Variants in AK5 observed in about 807,000 individuals in gnomAD.
AK5 encodes adenylate kinase isoenzyme 5.
A neutral mutation model predicts 69.5 loss-of-function variants in AK5; 27 were observed. The observed-to-expected ratio is 0.39, with a 90% CI of 0.29 to 0.54. The LOEUF (loss-of-function observed/expected upper bound fraction) is 0.54, where lower values mean the gene tolerates loss of function less well. AK5 is among the 20% of genes least tolerant of loss of function. The pLI, the probability that AK5 is intolerant of heterozygous loss-of-function variation, is 0.71. For synonymous variants in AK5, 260 were observed against 244.4 expected (o/e 1.06, Z -0.60); for missense variants, 531 against 700.4 (o/e 0.76, Z 2.73).
In AK5 at chr1:77,285,850, AT is replaced by A. The variant is rs112106678; in HGVS notation, c.61-1081del. 4.5e-4 allele frequency among the ~76,000 whole-genome samples: 67 copies of A among 149,374 alleles called. No individual in the cohort carries two copies. In the East Asian group the frequency reaches 7.4e-3, roughly 17 times the overall value. ...CTCAGTTAGACTTGAGCTTTGAGGG[AT>A]TTTTTTTTTCCAATTGGAAAACAGT... On this transcript the variant is annotated intron_variant, in intron 1 of 13. Transcript: ENST00000354567.
intron 6 of AK5, among the ~76,000 whole-genome samples, chr1:77,351,290 G>T (rs1662184619): frequency 6.6e-6 from 1 of 152,120 alleles, no homozygotes; most frequent in Non-Finnish European, 1.5e-5. Flanking sequence ...GGCTACTTGG[G>T]AAGCTGAGGT....
At chr1:77,534,904 T>C (rs1255890262) in intron 12 of AK5, among the ~76,000 whole-genome samples, 1 of 152,198 alleles carries the variant, frequency 6.6e-6, no homozygotes, top group Admixed American at 6.5e-5. Context: ...CTGGAAGTTA[T>C]GGGGCTCAGC....
At chr1:77,330,728 C>T (rs7531411) in intron 5 of AK5, among the ~76,000 whole-genome samples, 120,039 of 152,132 alleles carry the variant, frequency 0.79, 47,549 homozygotes, top group South Asian at 0.89. Flanking sequence ...AATCAGCTTT[C>T]CAATTTCTGT....
intron 2 of AK5, among the ~76,000 whole-genome samples, chr1:77,293,049 G>A (rs1224210946): frequency 6.6e-6 from 1 of 152,084 alleles, no homozygotes; most frequent in Non-Finnish European, 1.5e-5. Flanking sequence ...TGTTGCCATT[G>A]TAGATACAAA....
At chr1:77,393,388 G>A (rs1376156367) in intron 6 of AK5, among the ~76,000 whole-genome samples, 1 of 152,162 alleles carries the variant, frequency 6.6e-6, no homozygotes, top group African/African-American at 2.4e-5. Context: ...TTATGGAAAT[G>A]TGAAAGCTAG....
intron 8 of AK5, among the ~76,000 whole-genome samples, chr1:77,477,808 T>G (rs1655038141): frequency 6.6e-6 from 1 of 152,166 alleles, no homozygotes; most frequent in Non-Finnish European, 1.5e-5. Context: ...CATAACCCCA[T>G]TTGAAGTTAC....
At chr1:77,331,137 T>C (rs1010840136) in intron 5 of AK5, among the ~76,000 whole-genome samples, 2 of 152,078 alleles carry the variant, frequency 1.3e-5, no homozygotes, top group African/African-American at 4.8e-5. Context: ...TTTTTCATTT[T>C]TATATATACA....
intron 1 of AK5, chr1:77,283,067 G>C (rs1403053713): frequency 1.4e-5 from 14 of 985,502 alleles, no homozygotes; most frequent in African/African-American, 7.0e-5. Flanking sequence ...AGCTGCGAGG[G>C]GGGCGGACTC....
chr1:77,366,536 C>T (rs1355231991), intron 6 of AK5, among the ~76,000 whole-genome samples: 1 of 152,152 alleles, frequency 6.6e-6, no homozygotes, highest in African/African-American at 2.4e-5. Flanking sequence ...ATGCAAAGCC[C>T]ATGCCTGGTC....
At chr1:77,524,424 C>T (rs184542909) in intron 12 of AK5, among the ~76,000 whole-genome samples, 10 of 152,298 alleles carry the variant, frequency 6.6e-5, no homozygotes, top group East Asian at 5.8e-4. Context: ...ACCGACAATG[C>T]GTGAGAATTT....
At chr1:77,285,248 C>T (rs1190657870) in intron 1 of AK5, among the ~76,000 whole-genome samples, 1 of 152,146 alleles carries the variant, frequency 6.6e-6, no homozygotes, top group East Asian at 1.9e-4. Context: ...GAGGCTAATA[C>T]TGGCTTGGCG....
chr1:77,393,091 C>T (rs149338609), intron 6 of AK5, among the ~76,000 whole-genome samples: 10 of 152,092 alleles, frequency 6.6e-5, no homozygotes, highest in African/African-American at 1.4e-4. Flanking sequence ...CCCCACCACA[C>T]GCAGCTACTT....
At chr1:77,515,314 A>AT (rs1471958906) in intron 10 of AK5, among the ~76,000 whole-genome samples, 1 of 152,164 alleles carries the variant, frequency 6.6e-6, no homozygotes, top group Non-Finnish European at 1.5e-5. Context: ...GGGCCCTTCT[A>AT]TTAGAAAGGG....
At chr1:77,538,356 AC>A (rs908438283) in intron 13 of AK5, among the ~76,000 whole-genome samples, 4 of 149,864 alleles carry the variant, frequency 2.7e-5, no homozygotes, top group African/African-American at 9.9e-5. Flanking sequence ...AACAACAACA[AC>A]AACAAAAAAA....
intron 5 of AK5, among the ~76,000 whole-genome samples, chr1:77,311,656 T>C (rs1383226042): frequency 6.8e-6 from 1 of 147,878 alleles, no homozygotes; most frequent in Non-Finnish European, 1.5e-5. Flanking sequence ...AACTCTTCCC[T>C]TTCTTTTGTC....
At chr1:77,538,673 A>C (rs1659117007) in intron 13 of AK5, among the ~76,000 whole-genome samples, 1 of 152,184 alleles carries the variant, frequency 6.6e-6, no homozygotes, top group Non-Finnish European at 1.5e-5. Context: ...AAATTAAAAA[A>C]AAGAAAGGTA....
intron 6 of AK5, among the ~76,000 whole-genome samples, chr1:77,403,066 A>C (rs1202085769): frequency 6.6e-6 from 1 of 151,932 alleles, no homozygotes; most frequent in Non-Finnish European, 1.5e-5. Context: ...GCATTTTTTC[A>C]TGTGTTTTTT....
chr1:77,535,717 C>A (rs1233493400), intron 12 of AK5, 130 bp from the exon 13 acceptor site: 9 of 759,052 alleles, frequency 1.2e-5, no homozygotes, highest in Non-Finnish European at 1.8e-5. Flanking sequence ...CCCAGCTGCA[C>A]CATAGTGTAA....
chr1:77,354,326 C>G (rs114468914), intron 6 of AK5, among the ~76,000 whole-genome samples: 2,733 of 152,200 alleles, frequency 0.018, 83 homozygotes, highest in African/African-American at 0.061. Context: ...AGATTTCTAG[C>G]TAATGGGGGG....
Sources: gnomAD v4.1 joint callset for allele counts (sites outside exome capture counted in the v4.1 genomes callset) on GRCh38, gnomAD v4.1.1 for gene constraint, MANE v1.5 for transcripts, NCBI Gene and HGNC (gene_info 2026-07-23, HGNC 2026-07-21) for gene names.